Variants in ADAMTSL1 observed in about 807,000 individuals in gnomAD.
ADAMTSL1 encodes the protein ADAMTS-like protein 1.
A neutral mutation model predicts 201.8 loss-of-function variants in ADAMTSL1; 126 were observed. The observed-to-expected ratio is 0.62, with a 90% CI of 0.54 to 0.72. The LOEUF is 0.72. ADAMTSL1 is among the 30% of genes least tolerant of loss of function. The pLI is 0.00. For missense variants in ADAMTSL1, 2,679 were observed against 2,277.8 expected (o/e 1.18, Z -3.59); for synonymous variants, 1,121 against 903.4 (o/e 1.24, Z -4.32).
At position 18,296,251 on chromosome 9, in the gene ADAMTSL1, A is replaced by C. The variant is rs575533295; in HGVS notation, c.207+132270A>C. Among the ~76,000 whole-genome samples the C allele has an allele frequency of 2.6e-5, 4 of 152,234 alleles. No individual in the cohort carries two copies. In the East Asian group the frequency reaches 7.7e-4, roughly 29 times the overall value. ...CAGTTGTAGGGACTGTTCTAGATTA[A>C]AAGAGAGTATAAAACATAACCAAAT... On this transcript the variant is annotated intron_variant, in intron 2 of 29. Coordinates refer to the ADAMTSL1 transcript ENST00000680146.
intron 2 of ADAMTSL1, among the ~76,000 whole-genome samples, chr9:18,265,256 C>G (rs113878199): frequency 2.6e-5 from 4 of 152,138 alleles, no homozygotes; most frequent in South Asian, 4.2e-4. Context: ...CTCTTCTTCC[C>G]GGATACTCTT....
intron 2 of ADAMTSL1, among the ~76,000 whole-genome samples, chr9:18,439,440 C>G (rs1159643966): frequency 6.6e-6 from 1 of 152,178 alleles, no homozygotes; most frequent in Non-Finnish European, 1.5e-5. Context: ...AATCTTATCT[C>G]ACTGCAATCT....
intron 13 of ADAMTSL1, among the ~76,000 whole-genome samples, chr9:18,697,492 A>C (rs750804990): frequency 6.6e-5 from 10 of 152,198 alleles, no homozygotes; most frequent in Non-Finnish European, 1.5e-4. Context: ...CGTTGAAAAG[A>C]CAACCAGTAA....
At chr9:17,922,299 G>C (rs1276944889) in intron 1 of ADAMTSL1, among the ~76,000 whole-genome samples, 1 of 152,086 alleles carries the variant, frequency 6.6e-6, no homozygotes, top group Non-Finnish European at 1.5e-5. Flanking sequence ...GGATTATAAG[G>C]CTGGAAGGCG....
chr9:18,074,371 C>T (rs10738497), intron 1 of ADAMTSL1, among the ~76,000 whole-genome samples: 85,721 of 151,942 alleles, frequency 0.56, 24,320 homozygotes, highest in Non-Finnish European at 0.59. Context: ...AGCAGAGAAA[C>T]GAAGAGTATG....
At chr9:18,691,603 C>A (rs1343334254) in intron 13 of ADAMTSL1, among the ~76,000 whole-genome samples, 2 of 152,050 alleles carry the variant, frequency 1.3e-5, no homozygotes, top group Admixed American at 1.3e-4. Flanking sequence ...TATTTGTATG[C>A]CCTGACAAAG....
At chr9:18,058,973 T>G (rs2131691946) in intron 1 of ADAMTSL1, among the ~76,000 whole-genome samples, 1 of 152,346 alleles carries the variant, frequency 6.6e-6, no homozygotes, top group East Asian at 1.9e-4. Flanking sequence ...CTTTGGAATT[T>G]TTACCAATCA....
At chr9:18,017,503 A>G (rs554904735) in intron 1 of ADAMTSL1, among the ~76,000 whole-genome samples, 2 of 151,964 alleles carry the variant, frequency 1.3e-5, no homozygotes, top group African/African-American at 4.8e-5. Context: ...TTAGAGTTCA[A>G]TTTCCCCCTC....
At chr9:17,936,274 C>T (rs1027303656) in intron 1 of ADAMTSL1, among the ~76,000 whole-genome samples, 1 of 152,024 alleles carries the variant, frequency 6.6e-6, no homozygotes, top group Non-Finnish European at 1.5e-5. Flanking sequence ...TTCTTGTTTA[C>T]TTATGCTTTA....
intron 1 of ADAMTSL1, among the ~76,000 whole-genome samples, chr9:18,113,377 T>C (rs1264036510): frequency 6.6e-6 from 1 of 152,092 alleles, no homozygotes; most frequent in Non-Finnish European, 1.5e-5. Context: ...TGGGCAAGAC[T>C]GGAGACAGCA....
At chr9:18,416,164 C>T (rs1587129695) in intron 2 of ADAMTSL1, among the ~76,000 whole-genome samples, 1 of 152,034 alleles carries the variant, frequency 6.6e-6, no homozygotes, top group African/African-American at 2.4e-5. Context: ...TACTTTCTCT[C>T]ATTATTTAAA....
intron 1 of ADAMTSL1, among the ~76,000 whole-genome samples, chr9:17,984,274 A>T (rs1337065388): frequency 6.6e-6 from 1 of 152,144 alleles, no homozygotes; most frequent in Non-Finnish European, 1.5e-5. Context: ...TCATACTCTC[A>T]GCACCCAGAT....
At chr9:18,708,694 T>G (rs988996052) in intron 14 of ADAMTSL1, among the ~76,000 whole-genome samples, 4 of 152,188 alleles carry the variant, frequency 2.6e-5, no homozygotes, top group Non-Finnish European at 5.9e-5. Context: ...ATCACCTGAA[T>G]TGAATGATCA....
At chr9:18,107,928 C>T (rs938282638) in intron 1 of ADAMTSL1, among the ~76,000 whole-genome samples, 12 of 152,110 alleles carry the variant, frequency 7.9e-5, no homozygotes, top group African/African-American at 1.9e-4. Flanking sequence ...AGTTTCCTGC[C>T]GCCAAACCAC....
intron 2 of ADAMTSL1, among the ~76,000 whole-genome samples, chr9:18,430,457 A>G (rs1246796712): frequency 4.6e-5 from 7 of 152,140 alleles, no homozygotes; most frequent in African/African-American, 1.7e-4. Context: ...CTTGGAACTG[A>G]TCTAGTTCTA....
chr9:18,534,658 C>T (rs1333844779), intron 3 of ADAMTSL1, among the ~76,000 whole-genome samples: 2 of 152,234 alleles, frequency 1.3e-5, no homozygotes, highest in African/African-American at 4.8e-5. Context: ...TCCACCCCTG[C>T]AGCAGACTTT....
chr9:18,039,555 C>T lies in ADAMTSL1; in HGVS notation c.88-124307C>T, dbSNP rs377069195. 2.1e-3 allele frequency among the ~76,000 whole-genome samples: 326 copies of T among 152,190 alleles called. 6 individuals are homozygous for T. The South Asian group carries it at 0.035, about 16-fold the overall frequency. The stretch of plus-strand genomic sequence containing the variant: ...ATAGGGTTTCTTTCTACGGAACAAA[C>T]ATTTTTCACAAGGAGCTTTTCTTCT... On this transcript the variant is annotated intron_variant, in intron 1 of 29. Transcript: ENST00000680146.
chr9:18,868,344 CCTTGA>C (rs1467000062), intron 23 of ADAMTSL1, among the ~76,000 whole-genome samples: 48 of 152,272 alleles, frequency 3.2e-4, no homozygotes, highest in African/African-American at 1.1e-3. Flanking sequence ...ACATTTTCCT[CCTTGA>C]CTTGTCGAGT....
At chr9:18,098,866 A>G (rs1407437086) in intron 1 of ADAMTSL1, among the ~76,000 whole-genome samples, 1 of 152,170 alleles carries the variant, frequency 6.6e-6, no homozygotes, top group Non-Finnish European at 1.5e-5. Context: ...TCACTGAACT[A>G]CAATAGAGAA....
Sources: gnomAD v4.1 joint callset for allele counts (sites outside exome capture counted in the v4.1 genomes callset) on GRCh38, gnomAD v4.1.1 for gene constraint, MANE v1.5 for transcripts, NCBI Gene and HGNC (gene_info 2026-07-23, HGNC 2026-07-21) for gene names.